The following DAAM1 variants were observed in gnomAD, a reference collection of about 807,000 sequenced individuals.
DAAM1 encodes disheveled-associated activator of morphogenesis 1.
DAAM1 carries 52 observed loss-of-function variants against 130.0 expected under a neutral mutation model. The observed-to-expected ratio is 0.40, with a 90% CI of 0.32 to 0.50. DAAM1 has a LOEUF of 0.50. DAAM1 is among the 20% of genes least tolerant of loss of function. The pLI, the probability that DAAM1 is intolerant of heterozygous loss-of-function variation, is 0.61. For missense variants in DAAM1, 1,134 were observed against 1,303.8 expected (o/e 0.87, Z 2.01); for synonymous variants, 452 against 444.5 (o/e 1.02, Z -0.21).
chr14:59,238,321 T>A (rs1889367728), intron 1 of DAAM1, among the ~76,000 whole-genome samples: 1 of 152,198 alleles, frequency 6.6e-6, no homozygotes, highest in African/African-American at 2.4e-5. Context: ...AAAAAACGTC[T>A]GAGATCATCC....
chr14:59,270,121 A>G (rs755262222), intron 2 of DAAM1, among the ~76,000 whole-genome samples: 4 of 152,130 alleles, frequency 2.6e-5, no homozygotes, highest in Non-Finnish European at 4.4e-5. Context: ...AGTATTTGTG[A>G]GGTGTTGGTA....
At chr14:59,215,900 A>G (rs539725872) in intron 1 of DAAM1, among the ~76,000 whole-genome samples, 1 of 152,296 alleles carries the variant, frequency 6.6e-6, no homozygotes, top group South Asian at 2.1e-4. Context: ...ATAGCATGAG[A>G]GGTCAGCCTC....
intron 4 of DAAM1, 113 bp from the exon 5 acceptor site, chr14:59,320,377 G>T: frequency 1.2e-6 from 1 of 815,622 alleles, no homozygotes; most frequent in Non-Finnish European, 1.9e-6. Flanking sequence ...CTTAATCATA[G>T]ATTTGTTGTT....
intron 2 of DAAM1, among the ~76,000 whole-genome samples, chr14:59,277,966 C>T (rs1467844142): frequency 3.3e-5 from 5 of 152,016 alleles, no homozygotes; most frequent in Admixed American, 3.3e-4. Flanking sequence ...GTACTGAACG[C>T]TATATATACT....
At chr14:59,237,896 C>T (rs1227751569) in intron 1 of DAAM1, among the ~76,000 whole-genome samples, 2 of 152,140 alleles carry the variant, frequency 1.3e-5, no homozygotes, top group Non-Finnish European at 2.9e-5. Flanking sequence ...ATTAAATGTT[C>T]TATTTAGAAT....
chr14:59,232,622 T>A (rs1411169319), intron 1 of DAAM1, among the ~76,000 whole-genome samples: 1 of 150,746 alleles, frequency 6.6e-6, no homozygotes, highest in Non-Finnish European at 1.5e-5. Flanking sequence ...TTTCTTTTTT[T>A]AAAATTTTCT....
At chr14:59,248,791 T>C (rs1453854288) in intron 1 of DAAM1, among the ~76,000 whole-genome samples, 3 of 152,178 alleles carry the variant, frequency 2.0e-5, no homozygotes, top group Non-Finnish European at 4.4e-5. Context: ...CTCATTTTTT[T>C]GTTTTGTTTT....
chr14:59,230,287 G>A lies in DAAM1; in HGVS notation c.-37-33154G>A, dbSNP rs147703855. Among the ~76,000 whole-genome samples, 364 of 150,432 alleles carry A rather than the reference G, an allele frequency of 2.4e-3. 3 individuals are homozygous for A. Among genetic ancestry groups the A allele is most frequent in the African/African-American group, 8.3e-3 (340 of 41,022 alleles). ...CTGGAAGCAAACACTGCAGCCGAGG[G>A]GGGTGATGCTTAGAGGCTTTTTTTT... On this transcript the variant is annotated intron_variant, in intron 1 of 24. Coordinates refer to ENST00000360909, the MANE Select transcript of DAAM1 (RefSeq NM_001270520.2).
intron 1 of DAAM1, among the ~76,000 whole-genome samples, chr14:59,193,376 G>C (rs1233369478): frequency 6.6e-6 from 1 of 152,124 alleles, no homozygotes; most frequent in African/African-American, 2.4e-5. Flanking sequence ...ACTGAAACAG[G>C]GACAGACGAA....
At chr14:59,222,082 T>C (rs540654309) in intron 1 of DAAM1, among the ~76,000 whole-genome samples, 121 of 152,318 alleles carry the variant, frequency 7.9e-4, no homozygotes, top group Non-Finnish European at 1.3e-3. Context: ...CTACGTAGCA[T>C]GTAACTGAGT....
At chr14:59,338,390 C>T in intron 15 of DAAM1, 1 of 1,613,746 alleles carries the variant, frequency 6.2e-7, no homozygotes, top group Non-Finnish European at 8.5e-7. Context: ...TGTAGGATTT[C>T]TTTGTGAACA....
rs1040701652 is a variant in DAAM1 at position 59,248,342 on chromosome 14, T to C, written c.-37-15099T>C. ...TGTTTTGTTTTGTTTTGTTTTGTTTTGTTTTGTTTTGTTTGACTCAGGCTT... is the reference window on the plus strand; with the variant it reads ...TGTTTTGTTTTGTTTTGTTTTGTTTCGTTTTGTTTTGTTTGACTCAGGCTT... On this transcript the variant is annotated intron_variant, in intron 1 of 24. Transcript: ENST00000360909. Among the ~76,000 whole-genome samples, 17 of 88,430 alleles carry C rather than the reference T, an allele frequency of 1.9e-4. 1 individual carries two copies. Among genetic ancestry groups the C allele is most frequent in the African/African-American group, 4.9e-4 (12 of 24,294 alleles). 58.0% of individuals were successfully genotyped at this position (88,430 alleles called of 152,430 possible).
At chr14:59,301,543 A>G (rs1276320098) in intron 3 of DAAM1, among the ~76,000 whole-genome samples, 1 of 152,086 alleles carries the variant, frequency 6.6e-6, no homozygotes, top group Non-Finnish European at 1.5e-5. Flanking sequence ...GATATTTGCC[A>G]TCACTGAACA....
chr14:59,263,705 A>C, intron 2 of DAAM1, 45 bp downstream of exon 2: 2 of 670,702 alleles, frequency 3.0e-6, no homozygotes, highest in Non-Finnish European at 4.0e-6. Context: ...GAGCCAGAGA[A>C]GGAGAAGAGG....
chr14:59,263,513 A>C lies in DAAM1; in HGVS notation c.36A>C (p.Ser12=). ...GAAAGAGAGGTGGACGAGGTATTTC[A>C]TTCATCTTTTGCTGTTTCCGAAATA... ...APRKRGGRGI[S]FIFCCFRNND... is the part of the protein sequence containing the mutation. The change falls in exon 2 of 25, where the codon TCA becomes TCC. Residue 12 remains serine (S), a synonymous_variant. Transcript: ENST00000360909. 1 of 1,614,244 alleles carries C rather than the reference A, an allele frequency of 6.2e-7. No homozygotes were observed. The highest frequency in any genetic ancestry group is 8.5e-7 in the Non-Finnish European group (1 of 1,180,036).
At chr14:59,359,588 A>G in intron 21 of DAAM1, 84 bp downstream of exon 21, 1 of 959,900 alleles carries the variant, frequency 1.0e-6, no homozygotes, top group Non-Finnish European at 1.6e-6. Flanking sequence ...GCATGAAGTC[A>G]GTCCTTCTAT....
At chr14:59,272,377 G>A (rs1882747347) in intron 2 of DAAM1, among the ~76,000 whole-genome samples, 1 of 152,044 alleles carries the variant, frequency 6.6e-6, no homozygotes, top group African/African-American at 2.4e-5. Flanking sequence ...CCAGGAGTTC[G>A]AGACCAGCCT....
intron 1 of DAAM1, among the ~76,000 whole-genome samples, chr14:59,217,854 G>A (rs1212053708): frequency 6.6e-6 from 1 of 152,102 alleles, no homozygotes; most frequent in Non-Finnish European, 1.5e-5. Flanking sequence ...GGGCGTGGTG[G>A]TGGGCACCTG....
intron 1 of DAAM1, among the ~76,000 whole-genome samples, chr14:59,239,673 A>G (rs777355427): frequency 6.6e-6 from 1 of 151,928 alleles, no homozygotes. Flanking sequence ...TCCCTACCAC[A>G]CAGTCTGTCT....
Sources: allele counts gnomAD v4.1 joint callset (sites outside exome capture counted in the v4.1 genomes callset), GRCh38; gene constraint gnomAD v4.1.1; transcripts MANE v1.5; gene names NCBI Gene and HGNC (gene_info 2026-07-23, HGNC 2026-07-21).